Variants in PRKN observed in about 807,000 individuals in gnomAD.
PRKN encodes parkin RBR E3 ubiquitin protein ligase.
PRKN carries 56 observed loss-of-function variants against 59.5 expected under a neutral mutation model. That is an observed-to-expected ratio of 0.94 (90% CI 0.76 to 1.18). The LOEUF is 1.18. Ranked by LOEUF, PRKN falls within the 50% of genes most tolerant of loss-of-function variation. The pLI, the probability that PRKN is intolerant of heterozygous loss-of-function variation, is 0.00. For synonymous variants in PRKN, 250 were observed against 222.1 expected (o/e 1.13, Z -1.12); for missense variants, 657 against 596.4 (o/e 1.10, Z -1.06).
At chr6:162,285,513 T>C (rs534793410) in intron 2 of PRKN, among the ~76,000 whole-genome samples, 10 of 152,226 alleles carry the variant, frequency 6.6e-5, no homozygotes, top group Admixed American at 3.3e-4. Context: ...TAAGGAGTTA[T>C]ATAGTAGGAT....
rs1475962781 is a variant in PRKN, at chr6:161,546,659, C to T, written c.1083+2195G>A. Among the ~76,000 whole-genome samples, 1 of 151,670 alleles carries T rather than the reference C, an allele frequency of 6.6e-6. No individual in the cohort carries two copies. The highest frequency in any genetic ancestry group is 2.4e-5 in the African/African-American group (1 of 41,258). On this transcript the variant is annotated intron_variant, in intron 9 of 11. Coordinates refer to ENST00000366898, the MANE Select transcript of PRKN (RefSeq NM_004562.3). The surrounding 1 kb of genome is among the most constrained non-coding windows in gnomAD (Gnocchi z 4.4). ...TAAAATACGTTCATAAATTCTTTGA[C>T]ACTCTTTAAGATGGAGCCCAACTCC...
chr6:162,356,115 G>A lies in PRKN; in HGVS notation c.171+87195C>T, dbSNP rs924148360. On this transcript the variant is annotated intron_variant, in intron 2 of 11. Coordinates refer to ENST00000366898, the MANE Select transcript of PRKN (RefSeq NM_004562.3). ...CAGAGACAAGGCCAAAACCACCAACGTGACCTTTATTATCTCCCTTAAATG... is the reference window on the plus strand; with the variant it reads ...CAGAGACAAGGCCAAAACCACCAACATGACCTTTATTATCTCCCTTAAATG... Among the ~76,000 whole-genome samples, 113 of 152,028 alleles carry A rather than the reference G, an allele frequency of 7.4e-4. 3 individuals are homozygous for A. Among genetic ancestry groups the A allele is most frequent in the Non-Finnish European group, 1.2e-3 (81 of 68,008 alleles).
At chr6:161,683,571 G>A (rs1785449222) in intron 7 of PRKN, among the ~76,000 whole-genome samples, 1 of 152,200 alleles carries the variant, frequency 6.6e-6, no homozygotes, top group Non-Finnish European at 1.5e-5. Flanking sequence ...TGCACCCATA[G>A]CGCTTGACAG....
At chr6:161,774,382 G>GCGCA (rs71709903) in intron 7 of PRKN, among the ~76,000 whole-genome samples, 5,979 of 130,946 alleles carry the variant, frequency 0.046, 308 homozygotes, top group Admixed American at 0.12. Context: ...TACTCCCTGA[G>GCGCA]CACACACACA....
intron 9 of PRKN, among the ~76,000 whole-genome samples, chr6:161,453,907 A>C (rs925666173): frequency 1.3e-5 from 2 of 152,076 alleles, no homozygotes; most frequent in Admixed American, 6.6e-5. Flanking sequence ...TGGTAGTTGA[A>C]TTCTTCAGAG....
At chr6:162,054,387 T>C (rs1777774157) in intron 4 of PRKN, among the ~76,000 whole-genome samples, 1 of 152,222 alleles carries the variant, frequency 6.6e-6, no homozygotes, top group African/African-American at 2.4e-5. Context: ...AAGACGATAT[T>C]TGACATTTTG....
chr6:162,680,138 T>C (rs1482570032), intron 1 of PRKN, among the ~76,000 whole-genome samples: 3 of 151,622 alleles, frequency 2.0e-5, no homozygotes, highest in Non-Finnish European at 4.4e-5. Flanking sequence ...TTATTAAGTA[T>C]AGATACATAT....
In PRKN at chr6:161,933,183, G is replaced by C. The variant is rs546824815; in HGVS notation, c.734+40119C>G. Among the ~76,000 whole-genome samples, 524 of 152,252 alleles carry C rather than the reference G, an allele frequency of 3.4e-3. 4 individuals carry two copies. The highest frequency in any genetic ancestry group is 0.011 in the African/African-American group (477 of 41,560). ...TAATCCCAGCTACTTGGAAGGCTGA[G>C]GCAGGAGAATTGCTTGAACCTGGGA... On this transcript the variant is annotated intron_variant, in intron 6 of 11. Transcript: ENST00000366898.
chr6:162,002,578 AC>A (rs1782099094), intron 5 of PRKN, among the ~76,000 whole-genome samples: 1 of 55,406 alleles, frequency 1.8e-5, no homozygotes, highest in African/African-American at 1.8e-4. Flanking sequence ...TTTTCAAATA[AC>A]CATTTTTTTT....
chr6:161,777,550 T>C lies in PRKN; in HGVS notation c.871+8222A>G, dbSNP rs995879340. On this transcript the variant is annotated intron_variant, in intron 7 of 11. Coordinates refer to ENST00000366898, the MANE Select transcript of PRKN (RefSeq NM_004562.3). ...TCTTGATAGCAAGAGGTATTAGATA[T>C]TTATCTAGAAATGAATATATACAGA... Among the ~76,000 whole-genome samples, 11 of 151,218 alleles carry C rather than the reference T, an allele frequency of 7.3e-5. 1 individual carries two copies. The highest frequency in any genetic ancestry group is 6.6e-4 in the Admixed American group (10 of 15,104).
At chr6:162,617,091 A>G (rs992430626) in intron 1 of PRKN, among the ~76,000 whole-genome samples, 3 of 152,126 alleles carry the variant, frequency 2.0e-5, no homozygotes, top group Non-Finnish European at 4.4e-5. Flanking sequence ...GTACAATGTG[A>G]TATTTTGATA....
chr6:162,572,352 T>C (rs967430730), intron 1 of PRKN, among the ~76,000 whole-genome samples: 1 of 152,216 alleles, frequency 6.6e-6, no homozygotes, highest in East Asian at 1.9e-4. Flanking sequence ...AATTTATGGC[T>C]ACAGAAAACA....
chr6:162,571,823 A>C (rs980024959), intron 1 of PRKN, among the ~76,000 whole-genome samples: 3 of 152,182 alleles, frequency 2.0e-5, no homozygotes, highest in Non-Finnish European at 4.4e-5. Flanking sequence ...ATATGAAGAG[A>C]ACTAGGAAAA....
intron 4 of PRKN, among the ~76,000 whole-genome samples, chr6:162,066,590 T>C (rs990903402): frequency 6.6e-6 from 1 of 152,156 alleles, no homozygotes; most frequent in African/African-American, 2.4e-5. Flanking sequence ...GTTCTCTTTC[T>C]ACTGCTCTTC....
chr6:162,678,589 A>G (rs1296676197), intron 1 of PRKN, among the ~76,000 whole-genome samples: 1 of 152,218 alleles, frequency 6.6e-6, no homozygotes, highest in Non-Finnish European at 1.5e-5. Context: ...TGTCATCTGT[A>G]TACTATCTTT....
intron 1 of PRKN, among the ~76,000 whole-genome samples, chr6:162,510,692 C>T (rs1012475989): frequency 5.3e-5 from 8 of 152,190 alleles, no homozygotes; most frequent in African/African-American, 1.9e-4. Context: ...GGAGGCCGGG[C>T]GAGCAGATCA....
At chr6:161,535,696 G>A (rs925580303) in intron 9 of PRKN, among the ~76,000 whole-genome samples, 22 of 152,186 alleles carry the variant, frequency 1.4e-4, no homozygotes, top group African/African-American at 5.3e-4. Context: ...AAGAGACTGG[G>A]AATGTCCTCT....
intron 4 of PRKN, among the ~76,000 whole-genome samples, chr6:162,078,636 G>C (rs1778930462): frequency 6.6e-6 from 1 of 151,918 alleles, no homozygotes; most frequent in Non-Finnish European, 1.5e-5. Context: ...AATTTTGCAG[G>C]GCCTCATTTT....
At chr6:161,643,572 A>G (rs1317970603) in intron 7 of PRKN, among the ~76,000 whole-genome samples, 1 of 152,254 alleles carries the variant, frequency 6.6e-6, no homozygotes, top group East Asian at 1.9e-4. Flanking sequence ...GTGAACAGAT[A>G]TTAAGAAGTG....
Sources: gnomAD v4.1 joint callset for allele counts (sites outside exome capture counted in the v4.1 genomes callset) on GRCh38, gnomAD v4.1.1 for gene constraint, Gnocchi (gnomAD v3.1) non-coding constraint, MANE v1.5 for transcripts, NCBI Gene and HGNC (gene_info 2026-07-23, HGNC 2026-07-21) for gene names.